Variants in RGL1 observed in about 807,000 individuals in gnomAD.
RGL1 encodes the protein ral guanine nucleotide dissociation stimulator like 1.
A neutral mutation model predicts 95.2 loss-of-function variants in RGL1; 24 were observed. That is an observed-to-expected ratio of 0.25 (90% confidence interval 0.18 to 0.35). RGL1 has a LOEUF of 0.35. RGL1 is among the 10% of genes least tolerant of loss of function. The probability of loss-of-function intolerance (pLI) is 1.00; values close to 1 mark genes in which losing one functional copy is unlikely to be tolerated. For missense variants in RGL1, 715 were observed against 936.3 expected (o/e 0.76, Z 3.08); for synonymous variants, 329 against 344.9 (o/e 0.95, Z 0.51).
intron 1 of RGL1, among the ~76,000 whole-genome samples, chr1:183,678,377 A>G (rs1293125782): frequency 6.6e-6 from 1 of 152,218 alleles, no homozygotes; most frequent in Non-Finnish European, 1.5e-5. Flanking sequence ...ACTTACTTCC[A>G]AAGAGAACTT....
intron 1 of RGL1, among the ~76,000 whole-genome samples, chr1:183,741,370 A>G (rs928105959): frequency 6.6e-6 from 1 of 152,214 alleles, no homozygotes; most frequent in Admixed American, 6.5e-5. Flanking sequence ...TGAGATTCTG[A>G]GCAAGCCAGT....
At chr1:183,653,503 A>G (rs976616733) in intron 1 of RGL1, among the ~76,000 whole-genome samples, 1 of 152,238 alleles carries the variant, frequency 6.6e-6, no homozygotes, top group Non-Finnish European at 1.5e-5. Context: ...TTCTCCTGCT[A>G]GCTGAAGAAT....
In RGL1 at chr1:183,926,304, A is replaced by G; in HGVS notation, c.*12A>G. Reference sequence around the variant, plus strand: ...AAATCACCCTCTGAAGGGAGGGACCAGTGGCCCCTTGTTTGCCAAAGGCAG... The same window carrying G: ...AAATCACCCTCTGAAGGGAGGGACCGGTGGCCCCTTGTTTGCCAAAGGCAG... On this transcript the variant is annotated 3_prime_UTR_variant, in exon 18 of 18. Transcript: ENST00000360851. 6.3e-7 allele frequency: 1 copy of G among 1,593,716 alleles called. No homozygotes were observed. The highest frequency in any genetic ancestry group is 8.6e-7 in the Non-Finnish European group (1 of 1,167,810).
chr1:183,664,698 G>A (rs1277606513), intron 1 of RGL1, among the ~76,000 whole-genome samples: 1 of 152,004 alleles, frequency 6.6e-6, no homozygotes, highest in African/African-American at 2.4e-5. Context: ...AAGTGAGACA[G>A]TGATAAAGCT....
Position 183,847,580 on chromosome 1 carries a change from G to A in RGL1, c.153G>A (p.Gln51=), listed in dbSNP as rs1265841867. Residue 51 remains glutamine (Q), a synonymous_variant, in exon 3 of 18, where the codon CAG becomes CAA. Transcript: ENST00000360851. The part of the protein sequence containing the change: ...GARWLGVEGD[Q]LPPGHTVSQY... ...TTATTATACAGGTTGAAGGGGACCAGCTGCCTCCAGGACACACAGTCAGTC... is the reference window on the plus strand; with the variant it reads ...TTATTATACAGGTTGAAGGGGACCAACTGCCTCCAGGACACACAGTCAGTC... 2 of 1,613,992 alleles carry A rather than the reference G, an allele frequency of 1.2e-6. No individual in the cohort carries two copies. The highest frequency in any genetic ancestry group is 1.7e-6 in the Non-Finnish European group (2 of 1,179,884).
chr1:183,827,379 G>T (rs1464736421), intron 2 of RGL1, among the ~76,000 whole-genome samples: 1 of 152,200 alleles, frequency 6.6e-6, no homozygotes, highest in Non-Finnish European at 1.5e-5. Flanking sequence ...CCAAAGGTGT[G>T]GAGCTACAGA....
At chr1:183,684,177 T>C (rs10797900) in intron 1 of RGL1, among the ~76,000 whole-genome samples, 12,296 of 152,118 alleles carry the variant, frequency 0.081, 916 homozygotes, top group African/African-American at 0.2. Context: ...GTCAATTCAT[T>C]AAACTCATTC....
intron 1 of RGL1, among the ~76,000 whole-genome samples, chr1:183,729,874 A>G (rs903297973): frequency 6.6e-6 from 1 of 152,210 alleles, no homozygotes; most frequent in Admixed American, 6.5e-5. Context: ...AAAAGTAGGT[A>G]TTGTATGATA....
At chr1:183,687,963 T>C (rs1451642474) in intron 1 of RGL1, among the ~76,000 whole-genome samples, 1 of 152,142 alleles carries the variant, frequency 6.6e-6, no homozygotes, top group African/African-American at 2.4e-5. Flanking sequence ...ATGGAAAAGG[T>C]ATTTTGTGTC....
chr1:183,691,044 TTAAAAAATAAAAA>T (rs1306455308), intron 1 of RGL1, among the ~76,000 whole-genome samples: 12 of 152,214 alleles, frequency 7.9e-5, no homozygotes, highest in East Asian at 3.9e-4. Context: ...TTTTGGAACT[TTAAAAAATAAAAA>T]TAAAAAATAA....
chr1:183,760,945 A>G (rs181128347), intron 2 of RGL1, among the ~76,000 whole-genome samples: 1 of 152,310 alleles, frequency 6.6e-6, no homozygotes, highest in East Asian at 1.9e-4. Flanking sequence ...TTGTCCATTC[A>G]AGCTTACTGT....
In RGL1 at chr1:183,724,131, T is replaced by C. The variant is rs567795097; in HGVS notation, c.-32-17995T>C. On this transcript the variant is annotated intron_variant, in intron 1 of 18. Coordinates refer to the RGL1 transcript ENST00000304685. The surrounding 1 kb of genome is among the most constrained non-coding windows in gnomAD (Gnocchi z 4.1). ...ATTCATCATTTGCTAGCAAAAGAGC[T>C]CTTGAACCCAAAATAATCAGCAGTG... is the stretch of plus-strand genomic sequence containing the variant. 4.6e-5 allele frequency among the ~76,000 whole-genome samples: 7 copies of C among 152,198 alleles called. No homozygotes were observed. Among genetic ancestry groups the C allele is most frequent in the Admixed American group, 3.9e-4 (6 of 15,280 alleles).
At chr1:183,660,080 C>A (rs1053338292) in intron 1 of RGL1, among the ~76,000 whole-genome samples, 4 of 152,062 alleles carry the variant, frequency 2.6e-5, no homozygotes, top group Admixed American at 6.5e-5. Context: ...AAAGGAACAC[C>A]CGGTACTAGC....
At chr1:183,803,995 G>A (rs1661135007), upstream of RGL1, among the ~76,000 whole-genome samples, 1 of 152,146 alleles carries the variant, frequency 6.6e-6, no homozygotes. Context: ...TGGTTGTATG[G>A]GGATAACCTG....
intron 2 of RGL1, among the ~76,000 whole-genome samples, chr1:183,817,995 G>A (rs1662202592): frequency 6.6e-6 from 1 of 152,222 alleles, no homozygotes; most frequent in African/African-American, 2.4e-5. Flanking sequence ...TTTGGTTAGA[G>A]TTGGAGGATT....
Position 183,710,860 on chromosome 1 carries a change from G to T in RGL1, c.-32-31266G>T, listed in dbSNP as rs541710957. 2.0e-5 allele frequency among the ~76,000 whole-genome samples: 3 copies of T among 152,344 alleles called. No individual in the cohort carries two copies. In the South Asian group the frequency reaches 6.2e-4, roughly 32 times the overall value. ...GTCAAACCATATCACCAGGATCACAGAAGTAGTGGAAGTGGATAACTAGAA... is the reference window on the plus strand; with the variant it reads ...GTCAAACCATATCACCAGGATCACATAAGTAGTGGAAGTGGATAACTAGAA... On this transcript the variant is annotated intron_variant, in intron 1 of 18. Transcript: ENST00000304685.
intron 2 of RGL1, among the ~76,000 whole-genome samples, chr1:183,781,226 C>G (rs1299316063): frequency 6.6e-6 from 1 of 152,028 alleles, no homozygotes; most frequent in East Asian, 1.9e-4. Flanking sequence ...CTTCTTTTTT[C>G]CACTTCCTTC....
At chr1:183,909,536 G>A (rs1240381397) in intron 14 of RGL1, among the ~76,000 whole-genome samples, 2 of 152,162 alleles carry the variant, frequency 1.3e-5, no homozygotes, top group African/African-American at 4.8e-5. Context: ...TGTGATCAGA[G>A]TTTAGCTCAT....
At chr1:183,690,168 G>A (rs1161602994) in intron 1 of RGL1, among the ~76,000 whole-genome samples, 1 of 152,156 alleles carries the variant, frequency 6.6e-6, no homozygotes, top group Non-Finnish European at 1.5e-5. Flanking sequence ...GGCTGTGTGG[G>A]AATTGGCTTG....
Sources: gnomAD v4.1 joint callset for allele counts (sites outside exome capture counted in the v4.1 genomes callset) on GRCh38, gnomAD v4.1.1 for gene constraint, Gnocchi (gnomAD v3.1) non-coding constraint, MANE v1.5 for transcripts, NCBI Gene and HGNC (gene_info 2026-07-23, HGNC 2026-07-21) for gene names.